Variants in CD38 observed in about 807,000 individuals in gnomAD.
CD38 encodes the protein CD38 molecule, also known as ADP-ribosyl cyclase/cyclic ADP-ribose hydrolase 1.
A neutral mutation model predicts 36.3 loss-of-function variants in CD38; 31 were observed. The ratio of observed to expected loss-of-function variants is 0.85; its 90% CI spans 0.64 to 1.15. CD38 has a LOEUF of 1.15. CD38 is among the 50% of genes most tolerant of loss of function. The pLI is 0.00. For synonymous variants in CD38, 131 were observed against 135.2 expected, an observed-to-expected ratio of 0.97 and a Z score of 0.22; for missense variants, 380 against 371.9, an observed-to-expected ratio of 1.02 and a Z score of -0.18.
intron 1 of CD38, among the ~76,000 whole-genome samples, chr4:15,793,921 G>A (rs1723059001): frequency 2.0e-5 from 3 of 152,314 alleles, no homozygotes; most frequent in Admixed American, 2.0e-4. Context: ...ATCAGAAAGA[G>A]AAAGACTGTG....
chr4:15,847,610 A>G (rs1486373634), intron 7 of CD38, among the ~76,000 whole-genome samples: 6 of 116,134 alleles, frequency 5.2e-5, no homozygotes, highest in African/African-American at 2.1e-4. Flanking sequence ...AAAAAAAAAA[A>G]AAAAAAAAAA....
intron 2 of CD38, among the ~76,000 whole-genome samples, chr4:15,821,375 C>T (rs984401992): frequency 3.3e-5 from 5 of 149,770 alleles, no homozygotes; most frequent in Non-Finnish European, 5.9e-5. Context: ...CACAAAAATC[C>T]CTTCCAAAAA....
chr4:15,828,004 C>T (rs1723885526), intron 3 of CD38, among the ~76,000 whole-genome samples: 1 of 151,992 alleles, frequency 6.6e-6, no homozygotes, highest in South Asian at 2.1e-4. Flanking sequence ...TTAACATATC[C>T]ACCGCCTCAA....
At chr4:15,807,241 T>G (rs541330411) in intron 1 of CD38, among the ~76,000 whole-genome samples, 1 of 152,112 alleles carries the variant, frequency 6.6e-6, no homozygotes, top group East Asian at 1.9e-4. Context: ...CAGGAAGTAG[T>G]GGGATGGTAG....
In CD38 at chr4:15,849,437, C is replaced by T. The variant is rs985383768; in HGVS notation, c.*835C>T. The stretch of plus-strand genomic sequence containing the variant: ...ACTAATAGTAGTTTATATTCTCTTC[C>T]AACAAATGCATATTGGATTAAATTG... On this transcript the variant is annotated 3_prime_UTR_variant, in exon 8 of 8. Coordinates refer to ENST00000226279, the MANE Select transcript of CD38 (RefSeq NM_001775.4). The T allele has an allele frequency of 9.9e-5, 15 of 152,164 alleles. No homozygotes were observed. The highest frequency in any genetic ancestry group is 3.4e-4 in the African/African-American group (14 of 41,434). 9.4% of individuals were successfully genotyped at this position (152,164 alleles called of 1,614,324 possible). A position where few individuals can be genotyped will look rare whatever the true frequency, so the allele number is the denominator to read the frequency against.
chr4:15,798,986 A>T (rs1408199991), intron 1 of CD38, among the ~76,000 whole-genome samples: 2 of 152,196 alleles, frequency 1.3e-5, no homozygotes, highest in Non-Finnish European at 2.9e-5. Flanking sequence ...AACTCTTGAC[A>T]CTATATTTAT....
intron 2 of CD38, 167 bp downstream of exon 2, chr4:15,816,807 T>G: frequency 5.7e-6 from 4 of 700,290 alleles, no homozygotes; most frequent in Non-Finnish European, 1.0e-5. Flanking sequence ...GGCCATGATA[T>G]AATTAAGATT....
At chr4:15,810,982 A>C (rs1003979322) in intron 1 of CD38, among the ~76,000 whole-genome samples, 18 of 152,190 alleles carry the variant, frequency 1.2e-4, no homozygotes, top group African/African-American at 4.3e-4. Flanking sequence ...GTGAGTGGTG[A>C]GTGGTATCTC....
chr4:15,852,354 G>A lies in CD38; in HGVS notation c.*3752G>A, dbSNP rs940658812. The A allele has an allele frequency of 3.3e-5, 5 of 152,196 alleles. No homozygotes were observed. In the East Asian group the frequency reaches 9.6e-4, roughly 29 times the overall value. 9.4% of individuals were successfully genotyped at this position (152,196 alleles called of 1,614,324 possible). A position where few individuals can be genotyped will look rare whatever the true frequency, so the allele number is the denominator to read the frequency against. The stretch of plus-strand genomic sequence containing the variant: ...ACTGTGATACAAGGGGGACAGCATC[G>A]ACATCGACTTACTTCTTGGTGCCTT... On this transcript the variant is annotated 3_prime_UTR_variant, in exon 8 of 8. Coordinates refer to ENST00000226279, the MANE Select transcript of CD38 (RefSeq NM_001775.4).
chr4:15,841,508 A>C (rs1405485531), intron 7 of CD38, among the ~76,000 whole-genome samples: 3 of 152,224 alleles, frequency 2.0e-5, no homozygotes, highest in Admixed American at 1.3e-4. Flanking sequence ...AGGAAAACAG[A>C]AAGAATGAAT....
chr4:15,835,995 A>G (rs779064364), intron 4 of CD38, among the ~76,000 whole-genome samples: 1 of 152,336 alleles, frequency 6.6e-6, no homozygotes, highest in African/African-American at 2.4e-5. Context: ...GAAGGAAGAA[A>G]GAAATGAAAG....
intron 2 of CD38, among the ~76,000 whole-genome samples, chr4:15,818,382 T>G (rs574903065): frequency 4.5e-4 from 68 of 152,288 alleles, no homozygotes; most frequent in African/African-American, 1.5e-3. Context: ...ACAGAGCACC[T>G]GGCAGAAGGG....
rs953327682 is a variant in CD38, at chr4:15,797,371, TGTTAA to T, written c.233+18725_233+18729del. On this transcript the variant is annotated intron_variant, in intron 1 of 7. Transcript: ENST00000226279. ...ACTCATTTATTTATTATTATCTACT[TGTTAA>T]TTAGTCTGTTATCTTTTTTGTCAGT... 1.2e-4 allele frequency among the ~76,000 whole-genome samples: 19 copies of T among 152,354 alleles called. 1 individual carries two copies. Among genetic ancestry groups the T allele is most frequent in the Admixed American group, 1.0e-3 (16 of 15,308 alleles).
intron 1 of CD38, among the ~76,000 whole-genome samples, chr4:15,814,785 GTTTTTGT>G (rs371118394): frequency 0.15 from 22,296 of 147,060 alleles, 1,985 homozygotes; most frequent in African/African-American, 0.26. Flanking sequence ...TCTCTGTTCT[GTTTTTGT>G]TTTTTGTTTT....
At position 15,852,753 on chromosome 4, in the gene CD38, G is replaced by A. The variant is rs1448905623; in HGVS notation, c.*4151G>A. The A allele has an allele frequency of 1.3e-5, 2 of 151,482 alleles. No individual in the cohort carries two copies. The highest frequency in any genetic ancestry group is 2.9e-5 in the Non-Finnish European group (2 of 67,948). The allele number at this position is 151,482 out of a possible 1,614,324, so 9.4% of individuals were successfully genotyped here. On this transcript the variant is annotated 3_prime_UTR_variant, in exon 8 of 8. Transcript: ENST00000226279. ...AGAAGTGGTGATTAGCTTGGCCTTA[G>A]CTCACCCACACAAAGCACAACAGGC...
At chr4:15,838,445 C>T (rs1214685881) in intron 5 of CD38, among the ~76,000 whole-genome samples, 1 of 152,126 alleles carries the variant, frequency 6.6e-6, no homozygotes, top group East Asian at 1.9e-4. Context: ...ATTTTCTCAG[C>T]TTTCTCTCCC....
At chr4:15,830,758 T>C (rs1035837222) in intron 3 of CD38, among the ~76,000 whole-genome samples, 2 of 152,184 alleles carry the variant, frequency 1.3e-5, no homozygotes, top group South Asian at 2.1e-4. Context: ...AAATCTTTAA[T>C]CTATTTTGAT....
At chr4:15,821,872 A>G (rs1723743544) in intron 2 of CD38, among the ~76,000 whole-genome samples, 2 of 151,752 alleles carry the variant, frequency 1.3e-5, no homozygotes, top group Non-Finnish European at 2.9e-5. Flanking sequence ...ACTGGCAGAG[A>G]TTTAAAAAAA....
intron 2 of CD38, among the ~76,000 whole-genome samples, chr4:15,819,685 G>A (rs1325796989): frequency 6.6e-6 from 1 of 152,038 alleles, no homozygotes; most frequent in Non-Finnish European, 1.5e-5. Context: ...AAGACAGGCA[G>A]ACAAGATTAG....
Sources: allele counts gnomAD v4.1 joint callset (sites outside exome capture counted in the v4.1 genomes callset), GRCh38; gene constraint gnomAD v4.1.1; transcripts MANE v1.5; gene names NCBI Gene and HGNC (gene_info 2026-07-23, HGNC 2026-07-21).